The following KALRN variants were observed in gnomAD, a reference collection of about 807,000 sequenced individuals.
KALRN encodes the protein kalirin RhoGEF kinase.
Under a neutral mutation model 353.7 loss-of-function variants are expected in KALRN, and 70 were observed. The ratio of observed to expected loss-of-function variants is 0.20; its 90% CI spans 0.16 to 0.24. The LOEUF (loss-of-function observed/expected upper bound fraction) is 0.24, where lower values mean the gene tolerates loss of function less well. KALRN is among the 10% of genes least tolerant of loss of function. The probability of loss-of-function intolerance (pLI) is 1.00; values close to 1 mark genes in which losing one functional copy is unlikely to be tolerated. For synonymous variants in KALRN, 1,391 were observed against 1,434.8 expected (o/e 0.97, Z 0.69); for missense variants, 2,791 against 3,756.7 (o/e 0.74, Z 6.72).
chr3:124,262,497 T>A (rs565408677), intron 3 of KALRN, among the ~76,000 whole-genome samples: 113 of 152,248 alleles, frequency 7.4e-4, no homozygotes, highest in Non-Finnish European at 1.5e-3. Flanking sequence ...TATGGAAAGC[T>A]TCGGCCACTC....
At chr3:124,458,153 G>A (rs969067816) in intron 23 of KALRN, among the ~76,000 whole-genome samples, 7 of 151,542 alleles carry the variant, frequency 4.6e-5, no homozygotes, top group Non-Finnish European at 8.8e-5. Context: ...GCACACGCCT[G>A]TAATCCCAGC....
At chr3:124,569,366 G>A (rs67647396) in intron 34 of KALRN, among the ~76,000 whole-genome samples, 13,345 of 152,150 alleles carry the variant, frequency 0.088, 772 homozygotes, top group South Asian at 0.12. Flanking sequence ...GGCTCTGAAG[G>A]CAATTACCAT....
At chr3:124,299,194 A>C (rs181236146) in intron 6 of KALRN, among the ~76,000 whole-genome samples, 140 of 152,314 alleles carry the variant, frequency 9.2e-4, no homozygotes, top group African/African-American at 3.1e-3. Context: ...GAGTTCCACC[A>C]GTTCCACTTC....
chr3:124,527,582 CG>C (rs1455690162), intron 33 of KALRN, among the ~76,000 whole-genome samples: 1 of 149,680 alleles, frequency 6.7e-6, no homozygotes, highest in Non-Finnish European at 1.5e-5. Flanking sequence ...CCAGCCTGGG[CG>C]ACAGAGCAAG....
At chr3:124,080,018 C>T (rs1284351849) in intron 1 of KALRN, 8 of 470,628 alleles carry the variant, frequency 1.7e-5, no homozygotes, top group Non-Finnish European at 3.1e-5. Context: ...CATTTCTTTC[C>T]TCTAGTTGCA....
intron 34 of KALRN, among the ~76,000 whole-genome samples, chr3:124,597,240 T>C (rs912433098): frequency 1.3e-5 from 2 of 152,156 alleles, no homozygotes; most frequent in Admixed American, 6.5e-5. Context: ...ATTAGGCTAG[T>C]GACATAGAAA....
chr3:124,639,095 C>T (rs530458897), intron 37 of KALRN, among the ~76,000 whole-genome samples: 2 of 152,280 alleles, frequency 1.3e-5, no homozygotes, highest in Non-Finnish European at 2.9e-5. Context: ...CTGTTCCAAA[C>T]AAATTGTTTT....
At chr3:124,173,248 C>T (rs575982776) in intron 1 of KALRN, among the ~76,000 whole-genome samples, 3 of 152,062 alleles carry the variant, frequency 2.0e-5, no homozygotes, top group Non-Finnish European at 2.9e-5. Flanking sequence ...ATTTGATGAA[C>T]ATGTATTGCT....
At chr3:124,180,023 G>A (rs2073355986) in intron 1 of KALRN, among the ~76,000 whole-genome samples, 1 of 152,206 alleles carries the variant, frequency 6.6e-6, no homozygotes, top group Non-Finnish European at 1.5e-5. Context: ...CTTTTCATCA[G>A]TTGTCCACTA....
intron 34 of KALRN, among the ~76,000 whole-genome samples, chr3:124,622,365 A>G (rs1428164433): frequency 6.6e-6 from 1 of 152,230 alleles, no homozygotes; most frequent in Non-Finnish European, 1.5e-5. Context: ...TATGGTTTAT[A>G]TGGAGCAACT....
At chr3:124,436,995 A>T (rs1560937751) in intron 17 of KALRN, among the ~76,000 whole-genome samples, 3 of 146,694 alleles carry the variant, frequency 2.0e-5, no homozygotes, top group African/African-American at 7.6e-5. Flanking sequence ...TTGGTGACAG[A>T]TCTTCTCATG....
chr3:124,679,935 G>A (rs565990076), intron 51 of KALRN, among the ~76,000 whole-genome samples: 3 of 152,176 alleles, frequency 2.0e-5, no homozygotes, highest in East Asian at 3.9e-4. Context: ...CCCCTCCTCC[G>A]CTTCTTTTTC....
intron 40 of KALRN, 80 bp from the exon 41 acceptor site, chr3:124,657,654 C>A: frequency 7.3e-7 from 1 of 1,372,584 alleles, no homozygotes; most frequent in Non-Finnish European, 1.0e-6. Context: ...GGAGAGTCTT[C>A]TGTAATTCAT....
At chr3:124,205,170 G>A (rs774424105) in intron 1 of KALRN, among the ~76,000 whole-genome samples, 1 of 152,200 alleles carries the variant, frequency 6.6e-6, no homozygotes, top group Non-Finnish European at 1.5e-5. Flanking sequence ...AAAAGCCCTG[G>A]TTGTGGTGTT....
chr3:124,565,584 C>T (rs2072703604), intron 34 of KALRN, among the ~76,000 whole-genome samples: 1 of 152,200 alleles, frequency 6.6e-6, no homozygotes, highest in African/African-American at 2.4e-5. Flanking sequence ...TCTGCAGAGA[C>T]AAAATCAAGC....
chr3:124,679,434 C>T (rs1319964734), intron 50 of KALRN, 24 bp from the exon 51 acceptor site: 2 of 1,608,194 alleles, frequency 1.2e-6, no homozygotes, highest in South Asian at 1.1e-5. Flanking sequence ...TCTTTCTTCC[C>T]CCTTCCTCAT....
intron 34 of KALRN, among the ~76,000 whole-genome samples, chr3:124,599,544 C>A (rs2076598791): frequency 6.6e-6 from 1 of 152,184 alleles, no homozygotes; most frequent in Admixed American, 6.5e-5. Flanking sequence ...CTGCCTCCTG[C>A]TGCGATAACT....
chr3:124,469,399 A>G (rs1449954364), intron 25 of KALRN, among the ~76,000 whole-genome samples: 2 of 152,236 alleles, frequency 1.3e-5, no homozygotes, highest in East Asian at 3.8e-4. Context: ...GAACTGTTAC[A>G]TGAAAAATCC....
chr3:124,648,212 C>A (rs2082993618), intron 37 of KALRN, among the ~76,000 whole-genome samples: 1 of 152,240 alleles, frequency 6.6e-6, no homozygotes, highest in Admixed American at 6.5e-5. Flanking sequence ...GCATTAAAAT[C>A]AAACCCATTG....
Sources: allele counts gnomAD v4.1 joint callset (sites outside exome capture counted in the v4.1 genomes callset), GRCh38; gene constraint gnomAD v4.1.1; transcripts MANE v1.5; gene names NCBI Gene and HGNC (gene_info 2026-07-23, HGNC 2026-07-21).